The following TLE6 variants were observed in gnomAD, a reference collection of about 807,000 sequenced individuals.
The protein encoded by TLE6 is TLE family member 6, subcortical maternal complex member.
Under a neutral mutation model 77.1 loss-of-function variants are expected in TLE6, and 72 were observed. The ratio of observed to expected loss-of-function variants is 0.93; its 90% CI spans 0.77 to 1.14. The LOEUF is 1.14. Among genes scored for constraint, TLE6 ranks in the 50% most tolerant of loss-of-function variants. The probability of loss-of-function intolerance (pLI) is 0.00; values close to 1 mark genes in which losing one functional copy is unlikely to be tolerated. For missense variants in TLE6, 843 were observed against 747.6 expected, an observed-to-expected ratio of 1.13 and a Z score of -1.49; for synonymous variants, 366 against 287.3, an observed-to-expected ratio of 1.27 and a Z score of -2.77.
chr19:2,986,340 T>C (rs979435723), intron 5 of TLE6, among the ~76,000 whole-genome samples: 1 of 151,576 alleles, frequency 6.6e-6, no homozygotes. Context: ...CACTTGAGCC[T>C]GGGAGGTTGA....
In TLE6 at chr19:2,989,668, C is replaced by T. The variant is rs771422468; in HGVS notation, c.1127C>T (p.Pro376Leu). ...TCCCTGCATGTGAAGGAGCAGTTGC[C>T]CTGTGCAGGTCTCAACTGCCAGGCC... ...APSLHVKEQL[P>L]CAGLNCQALD... is the part of the protein sequence containing the mutation. The change falls in exon 13 of 17, where the codon CCC (proline) becomes CTC (leucine). Residue 376 changes from proline to leucine, a missense_variant. Transcript: ENST00000246112. 1.9e-6 allele frequency: 3 copies of T among 1,614,172 alleles called. No homozygotes were observed. The highest frequency in any genetic ancestry group is 2.5e-6 in the Non-Finnish European group (3 of 1,180,038).
chr19:2,986,585 G>A (rs1440735096), intron 5 of TLE6, among the ~76,000 whole-genome samples: 1 of 148,302 alleles, frequency 6.7e-6, no homozygotes, highest in African/African-American at 2.5e-5. Context: ...GTGGTGGTGT[G>A]CACCTGTAAT....
rs1439134513 is a variant in TLE6 at position 2,993,420 on chromosome 19, C to T, written c.1387-12C>T. 4 of 1,597,634 alleles carry T rather than the reference C, an allele frequency of 2.5e-6. No individual in the cohort carries two copies. In the East Asian group the frequency reaches 6.8e-5, roughly 27 times the overall value. ...TAACCAGGTTCCTCCCTCCCCACTG[C>T]CCATTACCTAGATAATGAGCCTGTC... is the stretch of plus-strand genomic sequence containing the variant. On this transcript the variant is annotated splice_polypyrimidine_tract_variant and intron_variant, in intron 14 of 16. Transcript: ENST00000246112.
At chr19:2,986,222 G>A (rs1261150199) in intron 5 of TLE6, among the ~76,000 whole-genome samples, 3 of 151,782 alleles carry the variant, frequency 2.0e-5, no homozygotes, top group Non-Finnish European at 2.9e-5. Context: ...AGACCAGCCT[G>A]GCCAACATAA....
rs200029295 is a variant in TLE6, at chr19:2,987,405, G to T, written c.558+33G>T. ...AACAACCTCAGCTCTATCCAGAGGG[G>T]TGGGCTTCCGGGCAGGCGGTTGGGC... is the stretch of plus-strand genomic sequence containing the variant. On this transcript the variant is annotated intron_variant, in intron 8 of 16. Transcript: ENST00000246112. 23 of 1,612,548 alleles carry T rather than the reference G, an allele frequency of 1.4e-5. No individual in the cohort carries two copies. The Admixed American group carries it at 3.8e-4, about 27-fold the overall frequency.
intron 2 of TLE6, 69 bp downstream of exon 2, chr19:2,978,353 C>A (rs2088722217): frequency 6.7e-7 from 1 of 1,491,192 alleles, no homozygotes; most frequent in Non-Finnish European, 9.1e-7. Flanking sequence ...TGCCCCTTTT[C>A]CACCTGTGAC....
At chr19:2,985,303 A>T (rs982921068) in intron 5 of TLE6, among the ~76,000 whole-genome samples, 4 of 152,092 alleles carry the variant, frequency 2.6e-5, no homozygotes, top group Non-Finnish European at 4.4e-5. Context: ...CCCAGCAGGT[A>T]ACCCTCAGTT....
Position 2,991,930 on chromosome 19 carries a change from G to T in TLE6, c.1332G>T (p.Arg444=), listed in dbSNP as rs141907519. ...IWTGGPDACL[R]CWDQRTIMKP... is the part of the protein sequence containing the mutation. ...CTGGGGGTCCGGATGCCTGTCTGCG[G>T]TGCTGGGACCAGAGGACCATCATGA... Residue 444 remains arginine, a synonymous_variant, in exon 14 of 17, where the codon CGG becomes CGT. Coordinates refer to ENST00000246112, the MANE Select transcript of TLE6 (RefSeq NM_001143986.2). 1.5e-5 allele frequency: 25 copies of T among 1,613,888 alleles called. No homozygotes were observed. Among genetic ancestry groups the T allele is most frequent in the Non-Finnish European group, 2.1e-5 (25 of 1,180,026 alleles).
At position 2,991,879 on chromosome 19, in the gene TLE6, C is replaced by T. The variant is rs778641794; in HGVS notation, c.1281C>T (p.Ile427=). 102 of 1,613,684 alleles carry T rather than the reference C, an allele frequency of 6.3e-5. No individual in the cohort carries two copies. The highest frequency in any genetic ancestry group is 1.6e-4 in the Middle Eastern group (1 of 6,082). ...LKGYPDGVKS[I]VVKGYNIWTG... ...GTTATCCTGATGGAGTCAAGAGTAT[C>T]GTGGTCAAGGGCTACAACATCTGGA... Residue 427 remains isoleucine (I), a synonymous_variant, in exon 14 of 17, where the codon ATC becomes ATT. Coordinates refer to ENST00000246112, the MANE Select transcript of TLE6 (RefSeq NM_001143986.2).
intron 13 of TLE6, among the ~76,000 whole-genome samples, chr19:2,990,831 T>A (rs1211880460): frequency 6.6e-6 from 1 of 150,758 alleles, no homozygotes; most frequent in Admixed American, 6.6e-5. Flanking sequence ...CGAAACCCCC[T>A]CTCTACTAAA....
At chr19:2,983,446 G>A (rs566768514) in intron 5 of TLE6, among the ~76,000 whole-genome samples, 2 of 152,242 alleles carry the variant, frequency 1.3e-5, no homozygotes, top group South Asian at 2.1e-4. Flanking sequence ...GCGAGAAGGT[G>A]ACATCTGAGC....
chr19:2,978,371 G>A (rs1027505856), intron 2 of TLE6, 87 bp downstream of exon 2: 1 of 1,392,874 alleles, frequency 7.2e-7, no homozygotes, highest in Non-Finnish European at 9.9e-7. Flanking sequence ...GACCTGGGCT[G>A]GCCCCGCCCA....
chr19:2,987,211 G>A lies in TLE6; in HGVS notation c.514G>A (p.Asp172Asn), dbSNP rs749821030. 4.3e-6 allele frequency: 7 copies of A among 1,614,014 alleles called. No individual in the cohort carries two copies. The highest frequency in any genetic ancestry group is 2.2e-5 in the South Asian group (2 of 91,086). Residue 172 changes from aspartate (D) to asparagine (N), a missense_variant, in exon 7 of 17, where the codon GAT (aspartate) becomes AAT (asparagine). Asp to Asn is a conservative substitution (Grantham distance 23). Transcript: ENST00000246112. ...CTGGCGGATTTTTGCCGGCGTCCACGATGAGAAGGCAAAGCCCAGAGACAG... is the reference window on the plus strand; with the variant it reads ...CTGGCGGATTTTTGCCGGCGTCCACAATGAGAAGGCAAAGCCCAGAGACAG... ...QLWRIFAGVH[D>N]EKAKPRDRQQ...
rs2088998872 is a variant in TLE6, at chr19:2,989,655, A to C, written c.1114A>C (p.Lys372Gln). ...CCTGGCGGCGCCCTCCCTGCATGTG[A>C]AGGAGCAGTTGCCCTGTGCAGGTCT... ...WDLAAPSLHV[K>Q]EQLPCAGLNC... The change falls in exon 13 of 17, where the codon AAG (lysine) becomes CAG (glutamine). Residue 372 changes from lysine to glutamine, a missense_variant. Transcript: ENST00000246112. The C allele has an allele frequency of 6.2e-7, 1 of 1,614,168 alleles. No individual in the cohort carries two copies. Among genetic ancestry groups the C allele is most frequent in the East Asian group, 2.2e-5 (1 of 44,874 alleles).
At chr19:2,980,452 A>G (rs1189207469) in intron 3 of TLE6, 1 of 291,604 alleles carries the variant, frequency 3.4e-6, no homozygotes, top group South Asian at 3.4e-5. Context: ...AAATACTGCA[A>G]CGGCTGGGTA....
At chr19:2,980,566 T>C (rs1276827942) in intron 3 of TLE6, among the ~76,000 whole-genome samples, 2 of 147,134 alleles carry the variant, frequency 1.4e-5, no homozygotes, top group Admixed American at 1.4e-4. Context: ...TGAAACCGCG[T>C]CTCTACAAAA....
chr19:2,978,954 T>C (rs750329760), intron 2 of TLE6, among the ~76,000 whole-genome samples: 7 of 152,116 alleles, frequency 4.6e-5, no homozygotes, highest in Non-Finnish European at 7.4e-5. Flanking sequence ...TTTGAGACTT[T>C]ATGATTTTAT....
At position 2,994,932 on chromosome 19, in the gene TLE6, C is replaced by A; in HGVS notation, c.1647C>A (p.Asp549Glu). 6.2e-7 allele frequency: 1 copy of A among 1,606,138 alleles called. No homozygotes were observed. The highest frequency in any genetic ancestry group is 1.1e-5 in the South Asian group (1 of 89,552). Reference protein sequence around the residue: ...VPEMSPVTCCDVSSNNRLVVT... With the variant: ...VPEMSPVTCCEVSSNNRLVVT... ...AGATGTCTCCAGTCACGTGCTGTGA[C>A]GTCTCTTCCAACAACCGCCTCGTTG... Residue 549 changes from aspartate to glutamate, a missense_variant, in exon 17 of 17, where the codon GAC becomes GAA. By Grantham distance (45) the Asp-to-Glu change is conservative. Coordinates refer to ENST00000246112, the MANE Select transcript of TLE6 (RefSeq NM_001143986.2).
At chr19:2,991,376 G>GTATATATATATATATA (rs369766984) in intron 13 of TLE6, among the ~76,000 whole-genome samples, 1 of 105,540 alleles carries the variant, frequency 9.5e-6, no homozygotes, top group African/African-American at 3.6e-5. Context: ...AAAAAAATAC[G>GTATATATATATATATA]TATATATATA....
Sources: allele counts gnomAD v4.1 joint callset (sites outside exome capture counted in the v4.1 genomes callset), GRCh38; gene constraint gnomAD v4.1.1; transcripts MANE v1.5; gene names NCBI Gene and HGNC (gene_info 2026-07-23, HGNC 2026-07-21).